RAB11FIP4: variants seen among roughly 807,000 people sequenced by gnomAD.
RAB11FIP4 encodes rab11 family-interacting protein 4.
A neutral mutation model predicts 74.3 loss-of-function variants in RAB11FIP4; 23 were observed. The ratio of observed to expected loss-of-function variants is 0.31; its 90% CI spans 0.22 to 0.44. The LOEUF (loss-of-function observed/expected upper bound fraction) is 0.44. RAB11FIP4 is among the 20% of genes least tolerant of loss of function. The pLI, the probability that RAB11FIP4 is intolerant of heterozygous loss-of-function variation, is 1.00. For synonymous variants in RAB11FIP4, 360 were observed against 359.9 expected (o/e 1.00, Z 0.00); for missense variants, 630 against 863.9 (o/e 0.73, Z 3.39).
chr17:31,435,138 A>G (rs1230266844), intron 3 of RAB11FIP4, among the ~76,000 whole-genome samples: 1 of 152,184 alleles, frequency 6.6e-6, no homozygotes, highest in Non-Finnish European at 1.5e-5. Context: ...GTGAGCTGTG[A>G]TTGTGCTACT....
At chr17:31,491,499 G>C (rs1203374822) in intron 3 of RAB11FIP4, among the ~76,000 whole-genome samples, 1 of 152,152 alleles carries the variant, frequency 6.6e-6, no homozygotes, top group East Asian at 1.9e-4. Flanking sequence ...AGTCAGACAG[G>C]GAAGTCCTCA....
chr17:31,399,739 C>CAA (rs1433463888), intron 1 of RAB11FIP4, among the ~76,000 whole-genome samples: 2 of 150,720 alleles, frequency 1.3e-5, no homozygotes, highest in East Asian at 3.9e-4. Flanking sequence ...TACATAAATA[C>CAA]AAATAAAAAA....
At chr17:31,449,929 A>G (rs1201059147) in intron 3 of RAB11FIP4, among the ~76,000 whole-genome samples, 1 of 152,198 alleles carries the variant, frequency 6.6e-6, no homozygotes, top group African/African-American at 2.4e-5. Context: ...ATTTTTACAT[A>G]GTGATGGTGT....
chr17:31,430,265 T>C (rs1361016297), intron 1 of RAB11FIP4, among the ~76,000 whole-genome samples: 2 of 151,278 alleles, frequency 1.3e-5, no homozygotes, highest in Non-Finnish European at 2.9e-5. Flanking sequence ...GCAGCTAGAG[T>C]ACAGTGAGTG....
At chr17:31,399,999 C>T (rs1030887718) in intron 1 of RAB11FIP4, among the ~76,000 whole-genome samples, 13 of 151,388 alleles carry the variant, frequency 8.6e-5, no homozygotes, top group Admixed American at 2.0e-4. Flanking sequence ...GCCGAGATTG[C>T]GCCACTGCAC....
chr17:31,519,848 C>A (rs1429930523), intron 4 of RAB11FIP4, among the ~76,000 whole-genome samples: 1 of 152,008 alleles, frequency 6.6e-6, no homozygotes, highest in African/African-American at 2.4e-5. Flanking sequence ...TCTCTGGGAG[C>A]AGCCTTGTAA....
At chr17:31,517,224 A>G (rs1452613175) in intron 3 of RAB11FIP4, among the ~76,000 whole-genome samples, 44 of 98,912 alleles carry the variant, frequency 4.4e-4, no homozygotes, top group Non-Finnish European at 7.0e-4. Context: ...GCGGGGGGGA[A>G]GGGGATGCAA....
chr17:31,401,716 C>A (rs1004492647), intron 1 of RAB11FIP4, among the ~76,000 whole-genome samples: 15 of 152,194 alleles, frequency 9.9e-5, no homozygotes, highest in African/African-American at 2.9e-4. Context: ...AAGGCTAGCA[C>A]CTGGACAGGA....
chr17:31,534,507 C>T lies in RAB11FIP4; in HGVS notation c.*2775C>T, dbSNP rs749489518. The T allele has an allele frequency of 1.3e-5, 2 of 152,162 alleles. No homozygotes were observed. The highest frequency in any genetic ancestry group is 4.8e-5 in the African/African-American group (2 of 41,444). 9.4% of individuals were successfully genotyped at this position (152,162 alleles called of 1,614,324 possible). On this transcript the variant is annotated 3_prime_UTR_variant, in exon 15 of 15. Coordinates refer to ENST00000621161, the MANE Select transcript of RAB11FIP4 (RefSeq NM_032932.6). ...CGAGCTGCTGACCTCAAGTGATCCTCCCACCTCAGCCTGCCAAAGCACTGG... is the reference window on the plus strand; with the variant it reads ...CGAGCTGCTGACCTCAAGTGATCCTTCCACCTCAGCCTGCCAAAGCACTGG...
At chr17:31,427,148 CAG>C (rs1430044593) in intron 1 of RAB11FIP4, among the ~76,000 whole-genome samples, 5 of 151,960 alleles carry the variant, frequency 3.3e-5, no homozygotes, top group Non-Finnish European at 5.9e-5. Flanking sequence ...TTAGTAGAGA[CAG>C]GGGTTTCTCT....
chr17:31,502,121 G>A (rs1031748086), intron 3 of RAB11FIP4, among the ~76,000 whole-genome samples: 16 of 151,828 alleles, frequency 1.1e-4, no homozygotes, highest in Non-Finnish European at 1.8e-4. Context: ...CTATTTGGGA[G>A]GCTGAGGCAG....
At position 31,530,352 on chromosome 17, in the gene RAB11FIP4, C is replaced by T. The variant is rs761377445; in HGVS notation, c.1680C>T (p.Asn560=). 22 of 1,614,038 alleles carry T rather than the reference C, an allele frequency of 1.4e-5. No individual in the cohort carries two copies. The highest frequency in any genetic ancestry group is 4.5e-5 in the East Asian group (2 of 44,896). Residue 560 remains asparagine (N), a synonymous_variant, in exon 14 of 15, where the codon AAC becomes AAT. Coordinates refer to ENST00000621161, the MANE Select transcript of RAB11FIP4 (RefSeq NM_032932.6). ...AGAATTATAAGCTGCGGGATCAGAA[C>T]GACGACTTGAATGGGCAGATTTTGA... The part of the protein sequence containing the change: ...KQENYKLRDQ[N]DDLNGQILSL...
At chr17:31,475,668 T>C (rs1453565213) in intron 3 of RAB11FIP4, among the ~76,000 whole-genome samples, 1 of 152,196 alleles carries the variant, frequency 6.6e-6, no homozygotes, top group Non-Finnish European at 1.5e-5. Flanking sequence ...AAGATGTGAG[T>C]TGCCCAACGT....
chr17:31,419,479 C>T (rs1430148912), intron 1 of RAB11FIP4, among the ~76,000 whole-genome samples: 1 of 150,664 alleles, frequency 6.6e-6, no homozygotes, highest in Non-Finnish European at 1.5e-5. Flanking sequence ...CTCCTGGATT[C>T]GATTTGCTAA....
chr17:31,391,816 G>C lies in RAB11FIP4; in HGVS notation c.-37G>C. On this transcript the variant is annotated 5_prime_UTR_variant, in exon 1 of 15. Coordinates refer to ENST00000621161, the MANE Select transcript of RAB11FIP4 (RefSeq NM_032932.6). ...GCGGCGGGCAGGCGGCGGGCGCGGC[G>C]GGCGAGGGGTCCGGGCTGAGCTGCG... is the stretch of plus-strand genomic sequence containing the variant. 3 of 984,812 alleles carry C rather than the reference G, an allele frequency of 3.0e-6. No individual in the cohort carries two copies. The highest frequency in any genetic ancestry group is 3.6e-6 in the Non-Finnish European group (3 of 830,692). 61.0% of individuals were successfully genotyped at this position (984,812 alleles called of 1,614,324 possible).
intron 3 of RAB11FIP4, among the ~76,000 whole-genome samples, chr17:31,459,040 G>C (rs2071608156): frequency 6.6e-6 from 1 of 152,178 alleles, no homozygotes; most frequent in Non-Finnish European, 1.5e-5. Flanking sequence ...CTGTGCAGCT[G>C]AACATGGTAG....
At chr17:31,394,637 C>T (rs1052174596) in intron 1 of RAB11FIP4, among the ~76,000 whole-genome samples, 9 of 152,116 alleles carry the variant, frequency 5.9e-5, no homozygotes, top group African/African-American at 2.2e-4. Context: ...TTGTTCATTT[C>T]ATCACATTGT....
chr17:31,452,958 G>A (rs1025415185), intron 3 of RAB11FIP4, among the ~76,000 whole-genome samples: 8 of 152,166 alleles, frequency 5.3e-5, no homozygotes, highest in South Asian at 4.1e-4. Context: ...CTGACCCCGC[G>A]GGGAACTGGG....
At chr17:31,524,264 A>G (rs1390561006) in intron 9 of RAB11FIP4, 1 of 440,074 alleles carries the variant, frequency 2.3e-6, no homozygotes, top group Non-Finnish European at 4.2e-6. Context: ...CTGGTCCAAG[A>G]TGGGAGTGGG....
Sources: allele counts gnomAD v4.1 joint callset (sites outside exome capture counted in the v4.1 genomes callset), GRCh38; gene constraint gnomAD v4.1.1; transcripts MANE v1.5; gene names NCBI Gene and HGNC (gene_info 2026-07-23, HGNC 2026-07-21).